The following HBS1L variants were observed in gnomAD, a reference collection of about 807,000 sequenced individuals.
HBS1L encodes the protein HBS1-like protein.
A neutral mutation model predicts 88.9 loss-of-function variants in HBS1L; 55 were observed. That is an observed-to-expected ratio of 0.62 (90% CI 0.50 to 0.77). HBS1L has a LOEUF of 0.77. Among genes scored for constraint, HBS1L ranks in the 30% least tolerant of loss-of-function variants. HBS1L has a pLI of 0.00. For missense variants in HBS1L, 741 were observed against 829.3 expected, an observed-to-expected ratio of 0.89 and a Z score of 1.31; for synonymous variants, 267 against 288.5, an observed-to-expected ratio of 0.93 and a Z score of 0.76.
chr6:135,025,123 T>C (rs1468726833), intron 4 of HBS1L, among the ~76,000 whole-genome samples: 1 of 152,202 alleles, frequency 6.6e-6, no homozygotes. Context: ...TGCAAAGATG[T>C]TTCTATCCCA....
chr6:135,023,090 CT>C (rs879525024), intron 4 of HBS1L, among the ~76,000 whole-genome samples: 474 of 145,408 alleles, frequency 3.3e-3, no homozygotes, highest in African/African-American at 7.1e-3. Flanking sequence ...TGTTCTTTAT[CT>C]TTTTTTTTTT....
At chr6:135,009,510 T>C (rs1775708844) in intron 4 of HBS1L, among the ~76,000 whole-genome samples, 1 of 152,184 alleles carries the variant, frequency 6.6e-6, no homozygotes, top group Non-Finnish European at 1.5e-5. Flanking sequence ...CTCATCAATA[T>C]ACTTTTAAAG....
rs778772627 is a variant in HBS1L at position 135,039,778 on chromosome 6, C to T, written c.236-11G>A. The T allele has an allele frequency of 2.1e-5, 34 of 1,599,580 alleles. No individual in the cohort carries two copies. Among genetic ancestry groups the T allele is most frequent in the South Asian group, 1.4e-4 (13 of 89,728 alleles). On this transcript the variant is annotated splice_polypyrimidine_tract_variant and intron_variant, in intron 3 of 17. Transcript: ENST00000367837. Reference sequence around the variant, plus strand: ...ATGAATAAAGACGAGCTAGAAAAGACGACAATGGTCAAAAGCTATACTAAA... The same window carrying T: ...ATGAATAAAGACGAGCTAGAAAAGATGACAATGGTCAAAAGCTATACTAAA...
intron 4 of HBS1L, among the ~76,000 whole-genome samples, chr6:135,034,447 C>T (rs1776472437): frequency 1.3e-5 from 2 of 152,156 alleles, no homozygotes; most frequent in South Asian, 4.1e-4. Context: ...AGTTTGAGAT[C>T]AGCCTGGCCA....
At chr6:134,998,527 T>C (rs1461446976) in intron 5 of HBS1L, among the ~76,000 whole-genome samples, 1 of 152,204 alleles carries the variant, frequency 6.6e-6, no homozygotes. Flanking sequence ...GCAGGTTAAA[T>C]TGGAAGTTAT....
intron 1 of HBS1L, among the ~76,000 whole-genome samples, chr6:135,051,645 G>C (rs1777088186): frequency 6.6e-6 from 1 of 152,132 alleles, no homozygotes; most frequent in Non-Finnish European, 1.5e-5. Context: ...AATTTACAGA[G>C]CGCTACGCCT....
At chr6:135,035,714 G>GCACTC (rs1446627332) in intron 4 of HBS1L, 2 of 143,884 alleles carry the variant, frequency 1.4e-5, no homozygotes, top group Non-Finnish European at 2.6e-5. Context: ...TCGCGCCACT[G>GCACTC]CACTCCAGCC....
intron 4 of HBS1L, among the ~76,000 whole-genome samples, chr6:135,010,994 T>G (rs1021988741): frequency 1.3e-5 from 2 of 152,134 alleles, no homozygotes; most frequent in Non-Finnish European, 2.9e-5. Context: ...TGGTTATAAA[T>G]ACAAATTCAG....
intron 15 of HBS1L, among the ~76,000 whole-genome samples, chr6:134,970,525 G>A: frequency 6.6e-6 from 1 of 152,300 alleles, no homozygotes; most frequent in Non-Finnish European, 1.5e-5. Context: ...TTATTTTAAA[G>A]TGGTGCCTGG....
intron 11 of HBS1L, 39 bp downstream of exon 11, chr6:134,986,027 G>C (rs1482274644): frequency 1.2e-6 from 1 of 842,988 alleles, no homozygotes. Flanking sequence ...TTAATACCAA[G>C]TTTATAATGC....
chr6:135,030,962 T>C (rs1776366687), intron 4 of HBS1L, among the ~76,000 whole-genome samples: 1 of 152,116 alleles, frequency 6.6e-6, no homozygotes, highest in Admixed American at 6.5e-5. Context: ...TCGGCCTTTT[T>C]GATACAGCTC....
rs13064 is a variant in HBS1L, at chr6:134,966,395, A to C, written c.1977T>G (p.Phe659Leu). ...GTAGCATGAACCTCCCCAGCTCTTT[A>C]AAGTCTTTATATAGCTCAAGAGCTA... ...RPIALELYKD[F>L]KELGRFMLRY... The change falls in exon 17 of 18, where the codon TTT becomes TTG. Residue 659 changes from phenylalanine (F) to leucine (L), a missense_variant. Phe to Leu is a conservative substitution (Grantham distance 22). Around this residue, in one of 3 missense-constraint regions of HBS1L, gnomAD observed 181 missense variants for 212.7 expected, o/e 0.85. Coordinates refer to ENST00000367837, the MANE Select transcript of HBS1L (RefSeq NM_006620.4). 6.2e-7 allele frequency: 1 copy of C among 1,611,316 alleles called. No individual in the cohort carries two copies. Among genetic ancestry groups the C allele is most frequent in the African/African-American group, 1.3e-5 (1 of 74,772 alleles).
chr6:135,033,449 G>A (rs1024295714), intron 4 of HBS1L, among the ~76,000 whole-genome samples: 7 of 152,128 alleles, frequency 4.6e-5, no homozygotes, highest in East Asian at 1.9e-4. Flanking sequence ...TTCCACCTTC[G>A]CAGTCTCAAA....
chr6:135,008,838 G>A (rs532000999), intron 4 of HBS1L, among the ~76,000 whole-genome samples: 119 of 152,068 alleles, frequency 7.8e-4, no homozygotes, highest in African/African-American at 2.6e-3. Flanking sequence ...ACACGTTCAC[G>A]CAGTCCACAG....
At chr6:135,043,541 C>T (rs1420634110) in intron 2 of HBS1L, among the ~76,000 whole-genome samples, 3 of 152,176 alleles carry the variant, frequency 2.0e-5, no homozygotes, top group Admixed American at 2.0e-4. Context: ...CATAACCACT[C>T]TCTATTCATT....
chr6:135,018,278 T>C (rs374377115), intron 4 of HBS1L, among the ~76,000 whole-genome samples: 11 of 152,188 alleles, frequency 7.2e-5, no homozygotes, highest in Admixed American at 3.3e-4. Context: ...CTTCCTTCAA[T>C]AGCACTGTTG....
chr6:135,028,019 A>G (rs952674), intron 4 of HBS1L, among the ~76,000 whole-genome samples: 71,876 of 151,904 alleles, frequency 0.47, 17,261 homozygotes, highest in South Asian at 0.56. Context: ...CACCTGCCTC[A>G]GCCTCCTAAG....
Position 134,997,605 on chromosome 6 carries a change from C to A in HBS1L, c.591G>T (p.Pro197=), listed in dbSNP as rs370669162. ...AAGAAGCAATGGCATCTTCAATGGGCGGTCCTTTTTGAGGTGTGTGGAAAC... is the reference window on the plus strand; with the variant it reads ...AAGAAGCAATGGCATCTTCAATGGGAGGTCCTTTTTGAGGTGTGTGGAAAC... The part of the protein sequence containing the change: ...GHSFHTPQKG[P]PIEDAIASSD... The change falls in exon 6 of 18, where the codon CCG becomes CCT. Residue 197 remains proline, a synonymous_variant. Transcript: ENST00000367837. 6.2e-7 allele frequency: 1 copy of A among 1,613,710 alleles called. No homozygotes were observed. The highest frequency in any genetic ancestry group is 8.5e-7 in the Non-Finnish European group (1 of 1,179,738).
In HBS1L at chr6:134,965,204, A is replaced by G; in HGVS notation, c.*75T>C. On this transcript the variant is annotated 3_prime_UTR_variant, in exon 18 of 18. Transcript: ENST00000367837. ...ATATCAATTGCACATTGTTCCTTTG[A>G]CTTAATAACTGCATTCTTGAAACAG... The G allele has an allele frequency of 8.6e-7, 1 of 1,169,168 alleles. No homozygotes were observed. Among genetic ancestry groups the G allele is most frequent in the South Asian group, 1.3e-5 (1 of 79,882 alleles). 72.4% of individuals were successfully genotyped at this position (1,169,168 alleles called of 1,614,324 possible).
Sources: allele counts gnomAD v4.1 joint callset (sites outside exome capture counted in the v4.1 genomes callset), GRCh38; gene constraint gnomAD v4.1.1; regional missense constraint gnomAD v4.1.1; transcripts MANE v1.5; gene names NCBI Gene and HGNC (gene_info 2026-07-23, HGNC 2026-07-21).